The following CACNA1D variants were observed in gnomAD, a reference collection of about 807,000 sequenced individuals.
CACNA1D encodes the protein calcium voltage-gated channel subunit alpha1 D.
CACNA1D carries 55 observed loss-of-function variants against 257.1 expected under a neutral mutation model. The ratio of observed to expected loss-of-function variants is 0.21; its 90% confidence interval spans 0.17 to 0.27. CACNA1D has a LOEUF of 0.27. Among genes scored for constraint, CACNA1D ranks in the 10% least tolerant of loss-of-function variants. The pLI, the probability that CACNA1D is intolerant of heterozygous loss-of-function variation, is 1.00. For synonymous variants in CACNA1D, 980 were observed against 1,014.9 expected (o/e 0.97, Z 0.65); for missense variants, 1,876 against 2,784.0 (o/e 0.67, Z 7.34).
chr3:53,617,774 C>T (rs1309034870), intron 3 of CACNA1D, among the ~76,000 whole-genome samples: 1 of 152,168 alleles, frequency 6.6e-6, no homozygotes, highest in Non-Finnish European at 1.5e-5. Flanking sequence ...AGGCACTCAG[C>T]TAGGGACGCA....
intron 19 of CACNA1D, 102 bp from the exon 20 acceptor site, chr3:53,735,272 G>A (rs1022197378): frequency 4.5e-6 from 5 of 1,100,740 alleles, no homozygotes; most frequent in Non-Finnish European, 7.0e-6. Context: ...GCAGACAGCT[G>A]CCCTCTGCCT....
intron 2 of CACNA1D, 82 bp downstream of exon 2, chr3:53,497,543 C>A: frequency 7.1e-7 from 1 of 1,399,044 alleles, no homozygotes; most frequent in Non-Finnish European, 1.0e-6. Context: ...TGAAGTGACA[C>A]AAAGCTGTAG....
intron 3 of CACNA1D, among the ~76,000 whole-genome samples, chr3:53,502,155 A>AT (rs1463690027): frequency 4.0e-5 from 6 of 151,320 alleles, no homozygotes; most frequent in Non-Finnish European, 8.8e-5. Flanking sequence ...TACATGAACT[A>AT]TTTTTAGAGA....
chr3:53,495,074 C>T lies in CACNA1D; in HGVS notation c.-93C>T. 1 of 884,488 alleles carries T rather than the reference C, an allele frequency of 1.1e-6. No individual in the cohort carries two copies. The highest frequency in any genetic ancestry group is 1.8e-6 in the Non-Finnish European group (1 of 561,022). 54.8% of individuals were successfully genotyped at this position (884,488 alleles called of 1,614,324 possible). A position where few individuals can be genotyped will look rare whatever the true frequency, so the allele number is the denominator to read the frequency against. ...AGAATAAGGGCAGGGACCGCGGCTC[C>T]TACCTCTTGGTGATCCCCTTCCCCA... On this transcript the variant is annotated 5_prime_UTR_variant, in exon 1 of 48. Transcript: ENST00000350061. The surrounding 1 kb of genome is among the most constrained non-coding windows in gnomAD (Gnocchi z 5.1).
intron 2 of CACNA1D, among the ~76,000 whole-genome samples, chr3:53,500,201 G>A (rs2090533156): frequency 7.5e-6 from 1 of 134,020 alleles, no homozygotes; most frequent in South Asian, 2.5e-4. Flanking sequence ...GATTGCTTGA[G>A]TCCAGGAGTT....
At chr3:53,691,784 TA>T (rs1240050414) in intron 8 of CACNA1D, among the ~76,000 whole-genome samples, 1 of 101,014 alleles carries the variant, frequency 9.9e-6, no homozygotes, top group Non-Finnish European at 1.9e-5. Context: ...ATTATATCTA[TA>T]ATATATATAT....
intron 16 of CACNA1D, 145 bp from the exon 17 acceptor site, chr3:53,730,932 G>A (rs2094985236): frequency 4.7e-6 from 3 of 642,518 alleles, no homozygotes; most frequent in African/African-American, 3.7e-5. Context: ...CTGAGTTTGG[G>A]TTGTGCTAGG....
At position 53,600,417 on chromosome 3, in the gene CACNA1D, G is replaced by A. The variant is rs566836017; in HGVS notation, c.484-50362G>A. ...TCATTAGACTGTAGTGCAAAAAGAC[G>A]AGGTGAATTTTGGGACTCCAGATTT... On this transcript the variant is annotated intron_variant, in intron 3 of 47. Transcript: ENST00000350061. Among the ~76,000 whole-genome samples the A allele has an allele frequency of 2.4e-3, 367 of 152,232 alleles. 3 individuals are homozygous for A. The highest frequency in any genetic ancestry group is 8.6e-3 in the African/African-American group (357 of 41,546).
chr3:53,732,846 T>C lies in CACNA1D; in HGVS notation c.2505T>C (p.Asp835=). 6.2e-7 allele frequency: 1 copy of C among 1,613,128 alleles called. No individual in the cohort carries two copies. Among genetic ancestry groups the C allele is most frequent in the Non-Finnish European group, 8.5e-7 (1 of 1,179,108 alleles). Residue 835 remains aspartate, a synonymous_variant, in exon 19 of 48, where the codon GAT becomes GAC. Transcript: ENST00000350061. ...VGEEEEEEEE[D]EPEVPAGPRP... ...AAGAGGAAGAGGAAGAGGAGGAGGATGAACCTGAGGTTCCTGCCGGACCCC... is the reference window on the plus strand; with the variant it reads ...AAGAGGAAGAGGAAGAGGAGGAGGACGAACCTGAGGTTCCTGCCGGACCCC...
chr3:53,691,264 C>T (rs1260694506), intron 8 of CACNA1D, among the ~76,000 whole-genome samples: 4 of 151,782 alleles, frequency 2.6e-5, no homozygotes, highest in Non-Finnish European at 5.9e-5. Flanking sequence ...CTCAGCCTCC[C>T]AAGTAGTTGG....
chr3:53,503,450 G>A (rs1575687943), intron 3 of CACNA1D, among the ~76,000 whole-genome samples: 4 of 152,250 alleles, frequency 2.6e-5, no homozygotes, highest in East Asian at 3.8e-4. Context: ...CAAATTTAAC[G>A]ACGTGGATGG....
At chr3:53,548,053 C>G (rs2092450306) in intron 3 of CACNA1D, among the ~76,000 whole-genome samples, 1 of 152,080 alleles carries the variant, frequency 6.6e-6, no homozygotes, top group Non-Finnish European at 1.5e-5. Flanking sequence ...CTGGCTTGTC[C>G]CCACTTCCAT....
At chr3:53,512,338 T>C (rs1377950627) in intron 3 of CACNA1D, among the ~76,000 whole-genome samples, 1 of 152,062 alleles carries the variant, frequency 6.6e-6, no homozygotes, top group African/African-American at 2.4e-5. Context: ...CATCCATGGG[T>C]TGGTACTAGT....
chr3:53,629,977 G>C (rs929619205), intron 3 of CACNA1D, among the ~76,000 whole-genome samples: 2 of 152,178 alleles, frequency 1.3e-5, no homozygotes, highest in Admixed American at 1.3e-4. Flanking sequence ...AGGGAACTGA[G>C]GACAAAGTAA....
intron 38 of CACNA1D, 40 bp downstream of exon 38, chr3:53,780,168 G>A (rs772213647): frequency 1.3e-6 from 2 of 1,491,248 alleles, no homozygotes; most frequent in South Asian, 2.3e-5. Context: ...GGCAGGAAAG[G>A]AGAGAGACAT....
intron 3 of CACNA1D, among the ~76,000 whole-genome samples, chr3:53,528,006 GA>G (rs2091826277): frequency 6.6e-6 from 1 of 152,162 alleles, no homozygotes; most frequent in Admixed American, 6.5e-5. Context: ...TTGAGTTATA[GA>G]ATGTTGGAGA....
At chr3:53,674,507 G>T (rs1463894579) in intron 8 of CACNA1D, among the ~76,000 whole-genome samples, 1 of 152,170 alleles carries the variant, frequency 6.6e-6, no homozygotes, top group Non-Finnish European at 1.5e-5. Flanking sequence ...TTTGAAGTTT[G>T]CTTGTTTATC....
In CACNA1D at chr3:53,719,702, G is replaced by A. The variant is rs114894623; in HGVS notation, c.1479-53G>A. 9,720 of 1,521,900 alleles carry A rather than the reference G, an allele frequency of 6.4e-3. 510 individuals carry two copies. In the African/African-American group the frequency reaches 0.11, roughly 18 times the overall value. The allele number at this position is 1,521,900 out of a possible 1,614,324, so 94.3% of individuals were successfully genotyped here. A position where few individuals can be genotyped will look rare whatever the true frequency, so the allele number is the denominator to read the frequency against. ...TATCTCAGCTGAAATGATGGGGAGT[G>A]TGTGCTCAAGCCCTCGGAACCAGAA... On this transcript the variant is annotated intron_variant, in intron 10 of 47. Coordinates refer to ENST00000350061, the MANE Select transcript of CACNA1D (RefSeq NM_001128840.3).
chr3:53,759,666 T>C (rs1372135691), intron 29 of CACNA1D, among the ~76,000 whole-genome samples: 1 of 152,282 alleles, frequency 6.6e-6, no homozygotes, highest in East Asian at 1.9e-4. Context: ...AAGGGCAGGC[T>C]CTGCCCCTCC....
Sources: allele counts gnomAD v4.1 joint callset (sites outside exome capture counted in the v4.1 genomes callset), GRCh38; gene constraint gnomAD v4.1.1; non-coding constraint Gnocchi (gnomAD v3.1); transcripts MANE v1.5; gene names NCBI Gene and HGNC (gene_info 2026-07-23, HGNC 2026-07-21).